Variants in OSBPL5 observed in about 807,000 individuals in gnomAD.
The protein encoded by OSBPL5 is oxysterol-binding protein-related protein 5.
OSBPL5 carries 71 observed loss-of-function variants against 111.2 expected under a neutral mutation model. The observed-to-expected ratio is 0.64, with a 90% CI of 0.53 to 0.78. The LOEUF (loss-of-function observed/expected upper bound fraction) is 0.78, where lower values mean the gene tolerates loss of function less well. Ranked by LOEUF, OSBPL5 falls within the 30% of genes least tolerant of loss-of-function variation. The probability of loss-of-function intolerance (pLI) is 0.00; values close to 1 mark genes in which losing one functional copy is unlikely to be tolerated. For missense variants in OSBPL5, 1,210 were observed against 1,189.3 expected, an observed-to-expected ratio of 1.02 and a Z score of -0.26; for synonymous variants, 549 against 513.9, an observed-to-expected ratio of 1.07 and a Z score of -0.93.
Position 3,141,471 on chromosome 11 carries a change from T to TG in OSBPL5, c.-21-12303dup, listed in dbSNP as rs557719202. Reference sequence around the variant, plus strand: ...GGCCCCCAATCTGTCTCTCAGGAAATGGGGGGGGTCTCAAACAGAAGGACC... The same window carrying TG: ...GGCCCCCAATCTGTCTCTCAGGAAATGGGGGGGGGTCTCAAACAGAAGGACC... On this transcript the variant is annotated intron_variant, in intron 1 of 21. Transcript: ENST00000263650. This position sits in a 1 kb window ranked among gnomAD's most constrained non-coding sequence, Gnocchi z 6.5. Among the ~76,000 whole-genome samples, 245 of 151,622 alleles carry TG rather than the reference T, an allele frequency of 1.6e-3. No individual in the cohort carries two copies. Among genetic ancestry groups the TG allele is most frequent in the Middle Eastern group, 6.8e-3 (2 of 294 alleles).
chr11:3,105,907 C>T lies in OSBPL5; in HGVS notation c.1059+1356G>A, dbSNP rs941958572. Among the ~76,000 whole-genome samples the T allele has an allele frequency of 6.6e-6, 1 of 152,228 alleles. No individual in the cohort carries two copies. Among genetic ancestry groups the T allele is most frequent in the Non-Finnish European group, 1.5e-5 (1 of 68,034 alleles). On this transcript the variant is annotated intron_variant, in intron 9 of 21. Transcript: ENST00000263650. The surrounding 1 kb of genome is among the most constrained non-coding windows in gnomAD (Gnocchi z 5.2). ...CGAAATACCCTGAGTCTGCCCACTTCTCCCTTCTCCATCACAGCTGGGTCC... is the reference window on the plus strand; with the variant it reads ...CGAAATACCCTGAGTCTGCCCACTTTTCCCTTCTCCATCACAGCTGGGTCC...
chr11:3,096,765 T>C (rs1857268574), intron 14 of OSBPL5, among the ~76,000 whole-genome samples: 1 of 152,118 alleles, frequency 6.6e-6, no homozygotes, highest in African/African-American at 2.4e-5. Context: ...GGTGGGTGCA[T>C]TGCTGTGCTG....
chr11:3,128,933 C>T, intron 2 of OSBPL5, 80 bp downstream of exon 2: 1 of 1,296,904 alleles, frequency 7.7e-7, no homozygotes, highest in Non-Finnish European at 1.0e-6. Flanking sequence ...TCAAGGGGCA[C>T]AGAGGGGTTG....
intron 1 of OSBPL5, chr11:3,160,818 G>A (rs532250051): frequency 2.0e-4 from 30 of 152,242 alleles, no homozygotes; most frequent in Admixed American, 1.5e-3. Context: ...ATGGGCCAGC[G>A]AGAGAAGGGA....
intron 1 of OSBPL5, among the ~76,000 whole-genome samples, chr11:3,139,120 TC>T (rs1288008956): frequency 2.0e-5 from 3 of 151,940 alleles, no homozygotes; most frequent in Non-Finnish European, 4.4e-5. Flanking sequence ...AGCCTCAGTC[TC>T]CCCCACTGCC....
chr11:3,144,179 C>A (rs575522847), intron 1 of OSBPL5, among the ~76,000 whole-genome samples: 2 of 152,274 alleles, frequency 1.3e-5, no homozygotes, highest in East Asian at 3.9e-4. Flanking sequence ...AAAAACCCAA[C>A]GCGGGTGGAA....
Position 3,097,937 on chromosome 11 carries a change from G to A in OSBPL5, c.1621+2221C>T, listed in dbSNP as rs182256895. Among the ~76,000 whole-genome samples the A allele has an allele frequency of 5.9e-3, 899 of 152,134 alleles. 8 individuals are homozygous for A. Among genetic ancestry groups the A allele is most frequent in the African/African-American group, 0.02 (844 of 41,502 alleles). ...CAAAAAATTTGCTGGGCGTGGTGGC[G>A]GGCGCCTGTAGTCCCAGCTACTCAG... On this transcript the variant is annotated intron_variant, in intron 14 of 21. Coordinates refer to ENST00000263650, the MANE Select transcript of OSBPL5 (RefSeq NM_020896.4).
chr11:3,163,342 C>A (rs1847019865), intron 1 of OSBPL5, among the ~76,000 whole-genome samples: 1 of 152,186 alleles, frequency 6.6e-6, no homozygotes. Flanking sequence ...GCACCAGTCC[C>A]CAAAACACAG....
intron 1 of OSBPL5, among the ~76,000 whole-genome samples, chr11:3,157,005 G>T (rs4261264): frequency 6.6e-6 from 1 of 152,234 alleles, no homozygotes; most frequent in African/African-American, 2.4e-5. Context: ...AAGGTCAGAC[G>T]GGCCACTCCT....
intron 2 of OSBPL5, among the ~76,000 whole-genome samples, chr11:3,127,382 A>T (rs1858663862): frequency 6.6e-6 from 1 of 152,252 alleles, no homozygotes; most frequent in South Asian, 2.1e-4. Context: ...ACCAGCTGGA[A>T]GGCCTGGGGT....
intron 1 of OSBPL5, among the ~76,000 whole-genome samples, chr11:3,132,597 C>T (rs1056192336): frequency 2.6e-5 from 4 of 152,168 alleles, no homozygotes; most frequent in African/African-American, 9.7e-5. Flanking sequence ...CACTCTGCTC[C>T]AGCCACACTG....
At position 3,103,756 on chromosome 11, in the gene OSBPL5, GCTCTGCAGCCCCCTTCCAGC is replaced by G. The variant is rs1333727144; in HGVS notation, c.1244+417_1244+436del. Among the ~76,000 whole-genome samples, 67 of 56,856 alleles carry G rather than the reference GCTCTGCAGCCCCCTTCCAGC, an allele frequency of 1.2e-3. 4 individuals carry two copies. In the East Asian group the frequency reaches 0.048, roughly 41 times the overall value. The allele number at this position is 56,856 out of a possible 152,430, so 37.3% of individuals were successfully genotyped here. ...TTCCTGCCTCTGCAACCCTCTTCCA[GCTCTGCAGCCCCCTTCCAGC>G]CTCTGCAGTCCCTTCCTGCCTCTGC... On this transcript the variant is annotated intron_variant, in intron 10 of 21. Coordinates refer to ENST00000263650, the MANE Select transcript of OSBPL5 (RefSeq NM_020896.4).
Position 3,092,180 on chromosome 11 carries a change from T to C in OSBPL5, c.2259+252A>G, listed in dbSNP as rs1157873969. ...CTGCTAACTTGGCAGAGGGAGACTT[T>C]GGGGGCAGTGGACAGAGACAGTAGA... On this transcript the variant is annotated intron_variant, in intron 19 of 21. Coordinates refer to ENST00000263650, the MANE Select transcript of OSBPL5 (RefSeq NM_020896.4). This position sits in a 1 kb window ranked among gnomAD's most constrained non-coding sequence, Gnocchi z 5.4. Among the ~76,000 whole-genome samples, 1 of 151,362 alleles carries C rather than the reference T, an allele frequency of 6.6e-6. No homozygotes were observed. The highest frequency in any genetic ancestry group is 1.5e-5 in the Non-Finnish European group (1 of 67,848).
rs540371701 is a variant in OSBPL5 at position 3,145,095 on chromosome 11, G to T, written c.-21-15926C>A. Among the ~76,000 whole-genome samples, 103 of 152,336 alleles carry T rather than the reference G, an allele frequency of 6.8e-4. 1 individual carries two copies. Among genetic ancestry groups the T allele is most frequent in the Non-Finnish European group, 1.2e-3 (82 of 68,024 alleles). On this transcript the variant is annotated intron_variant, in intron 1 of 21. Transcript: ENST00000263650. ...GGGCACTGCGCTCCCCTCAGCCACA[G>T]GAGCCCATCCCTCCCGCTCTGCCTG...
Position 3,094,217 on chromosome 11 carries a change from C to G in OSBPL5, c.1719+20G>C. On this transcript the variant is annotated intron_variant, in intron 15 of 21. Transcript: ENST00000263650. ...GTTCCTTCCCTGGCCTCGTCTCCCCCAGGCTGCAGCCAGCGCTACCTTGAG... is the reference window on the plus strand; with the variant it reads ...GTTCCTTCCCTGGCCTCGTCTCCCCGAGGCTGCAGCCAGCGCTACCTTGAG... 1 of 1,610,416 alleles carries G rather than the reference C, an allele frequency of 6.2e-7. No homozygotes were observed. Among genetic ancestry groups the G allele is most frequent in the Admixed American group, 1.7e-5 (1 of 59,832 alleles).
chr11:3,121,906 AT>A lies in OSBPL5; in HGVS notation c.402+90del. The A allele has an allele frequency of 8.5e-6, 10 of 1,182,412 alleles. No homozygotes were observed. The highest frequency in any genetic ancestry group is 1.1e-5 in the Non-Finnish European group (9 of 831,350). The allele number at this position is 1,182,412 out of a possible 1,614,324, so 73.2% of individuals were successfully genotyped here. A position where few individuals can be genotyped will look rare whatever the true frequency, so the allele number is the denominator to read the frequency against. ...GCTAGATGCAGGGAAGTGAATTTCC[AT>A]CGTTTCAGGCCACCTGGTTTATGGT... is the stretch of plus-strand genomic sequence containing the variant. On this transcript the variant is annotated intron_variant, in intron 5 of 21. Transcript: ENST00000263650. The surrounding 1 kb of genome is among the most constrained non-coding windows in gnomAD (Gnocchi z 4.3).
chr11:3,149,744 C>T (rs1485391745), intron 1 of OSBPL5, among the ~76,000 whole-genome samples: 1 of 151,926 alleles, frequency 6.6e-6, no homozygotes, highest in Non-Finnish European at 1.5e-5. Flanking sequence ...CATCAAACGA[C>T]CCCCCCGTCA....
chr11:3,108,823 CA>C (rs1334435478), intron 7 of OSBPL5, among the ~76,000 whole-genome samples: 1 of 152,220 alleles, frequency 6.6e-6, no homozygotes, highest in Non-Finnish European at 1.5e-5. Flanking sequence ...GGTGGGAGCA[CA>C]ATGGCACGAT....
rs867681836 is a variant in OSBPL5 at position 3,092,619 on chromosome 11, C to A, written c.2133-61G>T. On this transcript the variant is annotated intron_variant, in intron 18 of 21. Coordinates refer to ENST00000263650, the MANE Select transcript of OSBPL5 (RefSeq NM_020896.4). This position sits in a 1 kb window ranked among gnomAD's most constrained non-coding sequence, Gnocchi z 5.4. Reference sequence around the variant, plus strand: ...GTGGCCCTCAGGTGAGGGGGCTGTCCTGGCCCAGTCTTCAGCCCCCCAACA... The same window carrying A: ...GTGGCCCTCAGGTGAGGGGGCTGTCATGGCCCAGTCTTCAGCCCCCCAACA... 17 of 1,491,292 alleles carry A rather than the reference C, an allele frequency of 1.1e-5. 1 individual carries two copies. The South Asian group carries it at 2.1e-4, about 18-fold the overall frequency. 92.4% of individuals were successfully genotyped at this position (1,491,292 alleles called of 1,614,324 possible). A position where few individuals can be genotyped will look rare whatever the true frequency, so the allele number is the denominator to read the frequency against.
Sources: gnomAD v4.1 joint callset for allele counts (sites outside exome capture counted in the v4.1 genomes callset) on GRCh38, gnomAD v4.1.1 for gene constraint, Gnocchi (gnomAD v3.1) non-coding constraint, MANE v1.5 for transcripts, NCBI Gene and HGNC (gene_info 2026-07-23, HGNC 2026-07-21) for gene names.